Variants in MRTFA observed in about 807,000 individuals in gnomAD.
MRTFA encodes the protein myocardin related transcription factor A.
MRTFA carries 20 observed loss-of-function variants against 83.5 expected under a neutral mutation model. The observed-to-expected ratio is 0.24, with a 90% CI of 0.17 to 0.35. The LOEUF (loss-of-function observed/expected upper bound fraction) is 0.35. Ranked by LOEUF, MRTFA falls within the 10% of genes least tolerant of loss-of-function variation. The pLI is 1.00. For missense variants in MRTFA, 1,200 were observed against 1,224.7 expected (o/e 0.98, Z 0.30); for synonymous variants, 659 against 541.2 (o/e 1.22, Z -3.02).
intron 4 of MRTFA, among the ~76,000 whole-genome samples, chr22:40,437,584 AC>A (rs2053195628): frequency 6.6e-6 from 1 of 151,820 alleles, no homozygotes; most frequent in Non-Finnish European, 1.5e-5. Context: ...ACATGGTGAA[AC>A]CCCGTCTCTA....
At chr22:40,589,721 T>C (rs976882501) in intron 2 of MRTFA, among the ~76,000 whole-genome samples, 1 of 152,192 alleles carries the variant, frequency 6.6e-6, no homozygotes, top group Non-Finnish European at 1.5e-5. Flanking sequence ...GTATTTAAAC[T>C]CTGCACTTAA....
At chr22:40,526,074 G>A (rs2054966844) in intron 3 of MRTFA, 1 of 151,888 alleles carries the variant, frequency 6.6e-6, no homozygotes. Flanking sequence ...GGAGTGCAGT[G>A]GCACAGTCAT....
rs766158109 is a variant in MRTFA at position 40,420,863 on chromosome 22, G to A, written c.1165C>T (p.Leu389=). The A allele has an allele frequency of 1.2e-6, 2 of 1,613,744 alleles. No homozygotes were observed. Among genetic ancestry groups the A allele is most frequent in the Non-Finnish European group, 8.5e-7 (1 of 1,179,938 alleles). The change falls in exon 10 of 15, where the codon CTG becomes TTG. Residue 389 remains leucine, a synonymous_variant. Coordinates refer to ENST00000355630, the MANE Select transcript of MRTFA (RefSeq NM_020831.6). ...GGTGCCTACTTTGGCGGGGCAGGCAGGATGGCCTGGTAGTTGTGGTGCTGC... is the reference window on the plus strand; with the variant it reads ...GGTGCCTACTTTGGCGGGGCAGGCAAGATGGCCTGGTAGTTGTGGTGCTGC...
At chr22:40,576,194 A>G (rs1257294632) in intron 2 of MRTFA, among the ~76,000 whole-genome samples, 1 of 151,784 alleles carries the variant, frequency 6.6e-6, no homozygotes, top group Admixed American at 6.6e-5. Flanking sequence ...ACGCTCAGCT[A>G]ATTTTTTTTT....
At chr22:40,423,325 A>C (rs1660434642) in intron 9 of MRTFA, among the ~76,000 whole-genome samples, 1 of 152,172 alleles carries the variant, frequency 6.6e-6, no homozygotes, top group African/African-American at 2.4e-5. Context: ...GGAATGCCCA[A>C]GGCCAGCCCA....
Position 40,418,679 on chromosome 22 carries a change from TCAGCTGG to T in MRTFA, c.2052_2058del (p.Cys684Ter). On this transcript the variant is annotated frameshift_variant, in exon 12 of 15. Transcript: ENST00000355630. LOFTEE classifies it high-confidence loss of function. ...TGAGCGGGGCCCAGGGGCTGCTGGC[TCAGCTGG>T]CAGCTGGAGAAGCTGTTCTCCTGCT... The T allele has an allele frequency of 7.7e-7, 1 of 1,304,166 alleles. No individual in the cohort carries two copies. The highest frequency in any genetic ancestry group is 9.8e-7 in the Non-Finnish European group (1 of 1,015,702). 80.8% of individuals were successfully genotyped at this position (1,304,166 alleles called of 1,614,324 possible).
intron 3 of MRTFA, among the ~76,000 whole-genome samples, chr22:40,498,735 T>C (rs1877312000): frequency 1.3e-5 from 2 of 152,176 alleles, no homozygotes; most frequent in African/African-American, 4.8e-5. Flanking sequence ...TGCAGATCTC[T>C]ACCTCTCAGG....
At chr22:40,594,073 A>C (rs9607732) in intron 2 of MRTFA, among the ~76,000 whole-genome samples, 1 of 152,220 alleles carries the variant, frequency 6.6e-6, no homozygotes, top group Admixed American at 6.5e-5. Context: ...CCAAAGCTCT[A>C]TCTGGTGTAC....
At chr22:40,556,638 C>T (rs1299323595) in intron 2 of MRTFA, among the ~76,000 whole-genome samples, 1 of 152,050 alleles carries the variant, frequency 6.6e-6, no homozygotes, top group Non-Finnish European at 1.5e-5. Context: ...TTATAAATTA[C>T]AAAACAACAA....
At chr22:40,413,363 C>CT (rs1462934883) in intron 14 of MRTFA, among the ~76,000 whole-genome samples, 3 of 144,940 alleles carry the variant, frequency 2.1e-5, no homozygotes, top group Non-Finnish European at 1.5e-5. Flanking sequence ...TTTTTTGAGA[C>CT]TTGAGTCTCA....
intron 3 of MRTFA, among the ~76,000 whole-genome samples, chr22:40,540,216 T>G (rs1187441968): frequency 6.6e-6 from 1 of 152,094 alleles, no homozygotes; most frequent in African/African-American, 2.4e-5. Context: ...CCAGCCCAGG[T>G]TAAAGTTTTT....
At chr22:40,477,812 G>C (rs2147179238) in intron 3 of MRTFA, among the ~76,000 whole-genome samples, 1 of 152,010 alleles carries the variant, frequency 6.6e-6, no homozygotes. Context: ...AAGGAAAGGG[G>C]AAGGAGAGGA....
At chr22:40,480,328 G>A (rs959551213) in intron 3 of MRTFA, among the ~76,000 whole-genome samples, 1 of 151,510 alleles carries the variant, frequency 6.6e-6, no homozygotes, top group African/African-American at 2.4e-5. Flanking sequence ...TGCCCAGGCT[G>A]GCCTTGAATT....
Position 40,552,264 on chromosome 22 carries a change from T to G in MRTFA, c.83A>C (p.Asp28Ala). ...TAAGGACACGAGCACTGGTTCATCA[T>G]CATTTTCGCCGGCCCCTCCTCCGTC... is the stretch of plus-strand genomic sequence containing the variant. The change falls in exon 3 of 15, where the codon GAT becomes GCT. Residue 28 changes from aspartate to alanine, a missense_variant. Around this residue, in one of 2 missense-constraint regions of MRTFA, gnomAD observed 93 missense variants for 182.9 expected, o/e 0.51. Coordinates refer to ENST00000355630, the MANE Select transcript of MRTFA (RefSeq NM_020831.6). 1 of 399,034 alleles carries G rather than the reference T, an allele frequency of 2.5e-6. No homozygotes were observed. Among genetic ancestry groups the G allele is most frequent in the East Asian group, 3.6e-5 (1 of 28,080 alleles). 24.7% of individuals were successfully genotyped at this position (399,034 alleles called of 1,614,324 possible). A position where few individuals can be genotyped will look rare whatever the true frequency, so the allele number is the denominator to read the frequency against.
chr22:40,575,993 T>C (rs115302169), intron 2 of MRTFA, among the ~76,000 whole-genome samples: 2,491 of 151,948 alleles, frequency 0.016, 67 homozygotes, highest in African/African-American at 0.057. Flanking sequence ...TATTCTTACA[T>C]AGCATCTTGG....
chr22:40,509,068 G>A (rs17001997), intron 3 of MRTFA, among the ~76,000 whole-genome samples: 12,452 of 152,110 alleles, frequency 0.082, 787 homozygotes, highest in East Asian at 0.24. Flanking sequence ...TCCAATTTTC[G>A]AGGAAGTCAC....
intron 3 of MRTFA, among the ~76,000 whole-genome samples, chr22:40,545,640 C>A (rs1395693850): frequency 4.0e-5 from 6 of 151,814 alleles, no homozygotes; most frequent in Non-Finnish European, 7.4e-5. Flanking sequence ...ACCATGTTGG[C>A]CAGGCTGGTC....
intron 3 of MRTFA, among the ~76,000 whole-genome samples, chr22:40,500,841 C>A (rs1394025009): frequency 6.6e-6 from 1 of 151,640 alleles, no homozygotes; most frequent in Non-Finnish European, 1.5e-5. Context: ...CTTTTCCCCA[C>A]CTTTCCAGCC....
intron 4 of MRTFA, among the ~76,000 whole-genome samples, chr22:40,448,647 G>T (rs746095228): frequency 6.6e-6 from 1 of 152,156 alleles, no homozygotes; most frequent in Non-Finnish European, 1.5e-5. Flanking sequence ...AGCAGGGAAG[G>T]CTTCAGATCT....
Sources: allele counts gnomAD v4.1 joint callset (sites outside exome capture counted in the v4.1 genomes callset), GRCh38; gene constraint gnomAD v4.1.1; regional missense constraint gnomAD v4.1.1; transcripts MANE v1.5; gene names NCBI Gene and HGNC (gene_info 2026-07-23, HGNC 2026-07-21).